The following FREM3 variants were observed in gnomAD, a reference collection of about 807,000 sequenced individuals.
The protein encoded by FREM3 is FRAS1-related extracellular matrix protein 3.
A neutral mutation model predicts 129.1 loss-of-function variants in FREM3; 105 were observed. That is an observed-to-expected ratio of 0.81 (90% confidence interval 0.69 to 0.96). The LOEUF (loss-of-function observed/expected upper bound fraction) is 0.96, where lower values mean the gene tolerates loss of function less well. Ranked by LOEUF, FREM3 falls within the 40% of genes least tolerant of loss-of-function variation. The probability of loss-of-function intolerance (pLI) is 0.00; values close to 1 mark genes in which losing one functional copy is unlikely to be tolerated. For missense variants in FREM3, 2,593 were observed against 2,666.3 expected, an observed-to-expected ratio of 0.97 and a Z score of 0.61; for synonymous variants, 1,014 against 1,044.9, an observed-to-expected ratio of 0.97 and a Z score of 0.57.
At chr4:143,680,302 C>G (rs541014162) in intron 2 of FREM3, among the ~76,000 whole-genome samples, 65 of 151,186 alleles carry the variant, frequency 4.3e-4, no homozygotes, top group African/African-American at 1.5e-3. Flanking sequence ...CTATATATAT[C>G]ACAATGTAAT....
At chr4:143,637,348 G>A (rs1739249270) in intron 2 of FREM3, among the ~76,000 whole-genome samples, 1 of 152,106 alleles carries the variant, frequency 6.6e-6, no homozygotes, top group African/African-American at 2.4e-5. Flanking sequence ...AAGCCAAACT[G>A]CATGTCAGCT....
At chr4:143,676,955 T>G (rs1352527387) in intron 2 of FREM3, among the ~76,000 whole-genome samples, 1 of 152,136 alleles carries the variant, frequency 6.6e-6, no homozygotes, top group Non-Finnish European at 1.5e-5. Flanking sequence ...ATCGTGAAAA[T>G]GGCCATACTA....
intron 2 of FREM3, among the ~76,000 whole-genome samples, chr4:143,638,898 C>T (rs1739276426): frequency 6.6e-6 from 1 of 152,128 alleles, no homozygotes; most frequent in Non-Finnish European, 1.5e-5. Context: ...GTGCCACACC[C>T]AAGTACATCA....
At position 143,676,544 on chromosome 4, in the gene FREM3, C is replaced by A. The variant is rs1162462753; in HGVS notation, c.5275+16569G>T. 2.6e-5 allele frequency among the ~76,000 whole-genome samples: 4 copies of A among 152,082 alleles called. No individual in the cohort carries two copies. The South Asian group carries it at 8.3e-4, about 32-fold the overall frequency. On this transcript the variant is annotated intron_variant, in intron 2 of 7. Coordinates refer to ENST00000329798, the MANE Select transcript of FREM3 (RefSeq NM_001168235.2). ...ATAGTGTTGGAAGTTCTGGCCAGGG[C>A]AATCAGGCAGGAGAATGAAATAAAG...
chr4:143,650,873 C>T (rs1222659523), intron 2 of FREM3, among the ~76,000 whole-genome samples: 4 of 152,304 alleles, frequency 2.6e-5, no homozygotes, highest in Non-Finnish European at 5.9e-5. Context: ...CCTTAATTAG[C>T]ATAATCACAA....
At chr4:143,590,520 G>A (rs1291036016) in intron 6 of FREM3, among the ~76,000 whole-genome samples, 4 of 152,134 alleles carry the variant, frequency 2.6e-5, no homozygotes, top group African/African-American at 9.7e-5. Flanking sequence ...CTTTGGTTCT[G>A]TTTATATGCT....
Position 143,673,101 on chromosome 4 carries a change from C to A in FREM3, c.5275+20012G>T, listed in dbSNP as rs556383478. On this transcript the variant is annotated intron_variant, in intron 2 of 7. Transcript: ENST00000329798. Reference sequence around the variant, plus strand: ...CCTTCTTCTCTCAACTCGTCAAAGTCATTCTCCATCCAGCTTTGTTCCACT... The same window carrying A: ...CCTTCTTCTCTCAACTCGTCAAAGTAATTCTCCATCCAGCTTTGTTCCACT... 5.9e-5 allele frequency among the ~76,000 whole-genome samples: 9 copies of A among 152,360 alleles called. No individual in the cohort carries two copies. In the South Asian group the frequency reaches 1.9e-3, roughly 32 times the overall value.
chr4:143,650,868 A>G (rs1281702113), intron 2 of FREM3, among the ~76,000 whole-genome samples: 1 of 152,192 alleles, frequency 6.6e-6, no homozygotes, highest in Non-Finnish European at 1.5e-5. Flanking sequence ...TCAGTCCTTA[A>G]TTAGCATAAT....
At chr4:143,581,703 C>A (rs1267232349) in intron 7 of FREM3, among the ~76,000 whole-genome samples, 4 of 152,144 alleles carry the variant, frequency 2.6e-5, no homozygotes, top group Non-Finnish European at 5.9e-5. Flanking sequence ...TCTCTCTTCC[C>A]TGTGAGACCC....
chr4:143,657,250 A>G (rs558983864), intron 2 of FREM3, among the ~76,000 whole-genome samples: 5 of 152,370 alleles, frequency 3.3e-5, no homozygotes, highest in South Asian at 2.1e-4. Flanking sequence ...ATAGTTTCTC[A>G]GAAAGCCTAA....
Position 143,695,861 on chromosome 4 carries a change from C to T in FREM3, c.4815G>A (p.Leu1605=). Residue 1605 remains leucine, a synonymous_variant, in exon 1 of 8, where the codon CTG becomes CTA. Coordinates refer to ENST00000329798, the MANE Select transcript of FREM3 (RefSeq NM_001168235.2). ...TFTKQDLNKN[L]ISYKHDGSET... ...CACTGCCGTCATGCTTGTAGCTAATCAGGTTCTTGTTCAGGTCTTGCTTGG... is the reference window on the plus strand; with the variant it reads ...CACTGCCGTCATGCTTGTAGCTAATTAGGTTCTTGTTCAGGTCTTGCTTGG... 1 of 1,537,468 alleles carries T rather than the reference C, an allele frequency of 6.5e-7. No individual in the cohort carries two copies. The highest frequency in any genetic ancestry group is 2.0e-5 in the Admixed American group (1 of 50,998).
At chr4:143,651,759 A>G (rs1007671676) in intron 2 of FREM3, among the ~76,000 whole-genome samples, 3 of 152,238 alleles carry the variant, frequency 2.0e-5, no homozygotes, top group Admixed American at 1.3e-4. Context: ...CCTGTGAGAA[A>G]ATAATAAAGC....
intron 5 of FREM3, among the ~76,000 whole-genome samples, chr4:143,617,208 C>G (rs1456302755): frequency 6.6e-6 from 1 of 152,010 alleles, no homozygotes; most frequent in Non-Finnish European, 1.5e-5. Flanking sequence ...CATTATAGAG[C>G]AAGAGTTTTC....
In FREM3 at chr4:143,592,847, T is replaced by C. The variant is rs537057397; in HGVS notation, c.6029-6854A>G. 2.1e-3 allele frequency among the ~76,000 whole-genome samples: 315 copies of C among 152,304 alleles called. 2 individuals are homozygous for C. The highest frequency in any genetic ancestry group is 9.7e-3 in the South Asian group (47 of 4,832). On this transcript the variant is annotated intron_variant, in intron 6 of 7. Transcript: ENST00000329798. ...CCTGCAGAGTGTTTTCCAACTTGGT[T>C]CCATTCTCCCCGTCACTTTCAGGTA...
At chr4:143,584,572 A>C (rs960342723) in intron 7 of FREM3, among the ~76,000 whole-genome samples, 1 of 152,218 alleles carries the variant, frequency 6.6e-6, no homozygotes, top group Non-Finnish European at 1.5e-5. Context: ...TTCAACAAGA[A>C]GACTTAACTA....
intron 2 of FREM3, among the ~76,000 whole-genome samples, chr4:143,653,385 T>TGCC (rs1458931730): frequency 2.2e-4 from 34 of 152,364 alleles, no homozygotes; most frequent in African/African-American, 7.5e-4. Flanking sequence ...GACTGGAGGC[T>TGCC]GCCCTTAGCT....
At chr4:143,684,037 A>C (rs1329076506) in intron 2 of FREM3, among the ~76,000 whole-genome samples, 1 of 152,108 alleles carries the variant, frequency 6.6e-6, no homozygotes, top group Non-Finnish European at 1.5e-5. Context: ...TGACACACCT[A>C]GCCCCTCCCT....
chr4:143,666,583 G>A (rs1739865599), intron 2 of FREM3, among the ~76,000 whole-genome samples: 1 of 152,066 alleles, frequency 6.6e-6, no homozygotes, highest in Non-Finnish European at 1.5e-5. Flanking sequence ...GTTAAAACAT[G>A]GATAAACCTT....
Position 143,585,946 on chromosome 4 carries a change from C to T in FREM3, c.6076G>A (p.Ala2026Thr). 6.5e-7 allele frequency: 1 copy of T among 1,537,642 alleles called. No individual in the cohort carries two copies. ...CAAACACAAACCTCCACGTAGCGAG[C>T]ACTTTCATTGACGTGATATTCAGCA... ...GDAEYHVNES[A>T]RYVEVCVWRR... is the part of the protein sequence containing the mutation. The change falls in exon 7 of 8, where the codon GCT (alanine) becomes ACT (threonine). Residue 2026 changes from alanine (A) to threonine (T), a missense_variant. This residue lies in a region of FREM3 where 317 missense variants were observed against 399.0 expected (regional missense o/e 0.79). Coordinates refer to ENST00000329798, the MANE Select transcript of FREM3 (RefSeq NM_001168235.2). This position sits in a 1 kb window ranked among gnomAD's most constrained non-coding sequence, Gnocchi z 4.2.
Sources: allele counts gnomAD v4.1 joint callset (sites outside exome capture counted in the v4.1 genomes callset), GRCh38; gene constraint gnomAD v4.1.1; regional missense constraint gnomAD v4.1.1; non-coding constraint Gnocchi (gnomAD v3.1); transcripts MANE v1.5; gene names NCBI Gene and HGNC (gene_info 2026-07-23, HGNC 2026-07-21).